Variants in DENND4B observed in about 807,000 individuals in gnomAD.
The protein encoded by DENND4B is DENN domain containing 4B.
Under a neutral mutation model 161.0 loss-of-function variants are expected in DENND4B, and 67 were observed. The ratio of observed to expected loss-of-function variants is 0.42; its 90% CI spans 0.34 to 0.51. The LOEUF is 0.51. Among genes scored for constraint, DENND4B ranks in the 20% least tolerant of loss-of-function variants. The probability of loss-of-function intolerance (pLI) is 0.08; values close to 1 mark genes in which losing one functional copy is unlikely to be tolerated. For missense variants in DENND4B, 1,481 were observed against 1,968.0 expected (o/e 0.75, Z 4.68); for synonymous variants, 753 against 813.8 (o/e 0.93, Z 1.27).
chr1:153,935,113 G>C, intron 17 of DENND4B, 149 bp from the exon 18 acceptor site: 1 of 1,429,734 alleles, frequency 7.0e-7, no homozygotes, highest in Non-Finnish European at 9.2e-7. Flanking sequence ...CCAGGAACAA[G>C]AGCCCAGAAG....
Position 153,940,746 on chromosome 1 carries a change from A to T in DENND4B, c.1327-140T>A. 6.9e-7 allele frequency: 1 copy of T among 1,439,246 alleles called. No homozygotes were observed. The highest frequency in any genetic ancestry group is 9.3e-7 in the Non-Finnish European group (1 of 1,074,764). The allele number at this position is 1,439,246 out of a possible 1,614,324, so 89.2% of individuals were successfully genotyped here. A position where few individuals can be genotyped will look rare whatever the true frequency, so the allele number is the denominator to read the frequency against. ...CTGTTGGAAGTAGGCTCTAGAGAAGAGCTCCTGATGGAAGCTATGTGTTCC... is the reference window on the plus strand; with the variant it reads ...CTGTTGGAAGTAGGCTCTAGAGAAGTGCTCCTGATGGAAGCTATGTGTTCC... On this transcript the variant is annotated intron_variant, in intron 9 of 27. Coordinates refer to ENST00000361217, the MANE Select transcript of DENND4B (RefSeq NM_014856.3). The surrounding 1 kb of genome is among the most constrained non-coding windows in gnomAD (Gnocchi z 5.6).
chr1:153,937,823 A>G lies in DENND4B; in HGVS notation c.2006T>C (p.Val669Ala). 1.9e-6 allele frequency: 3 copies of G among 1,613,936 alleles called. No individual in the cohort carries two copies. The highest frequency in any genetic ancestry group is 2.5e-6 in the Non-Finnish European group (3 of 1,179,838). ...ACTTCCTGACAGCTCCTCTAGCTCCACTAAGGGTGTCGGCTCAGGCTTCTC... is the reference window on the plus strand; with the variant it reads ...ACTTCCTGACAGCTCCTCTAGCTCCGCTAAGGGTGTCGGCTCAGGCTTCTC... ...EQEKPEPTPLVELEELSGSEL... is the reference protein window; with the variant it reads ...EQEKPEPTPLAELEELSGSEL... The change falls in exon 14 of 28, where the codon GTG (valine) becomes GCG (alanine). Residue 669 changes from valine to alanine, a missense_variant. By Grantham distance (64) the Val-to-Ala change is moderately conservative. Coordinates refer to ENST00000361217, the MANE Select transcript of DENND4B (RefSeq NM_014856.3). This position sits in a 1 kb window ranked among gnomAD's most constrained non-coding sequence, Gnocchi z 4.7.
In DENND4B at chr1:153,942,751, G is replaced by A; in HGVS notation, c.571-126C>T. The A allele has an allele frequency of 6.8e-7, 1 of 1,477,808 alleles. No homozygotes were observed. The highest frequency in any genetic ancestry group is 9.0e-7 in the Non-Finnish European group (1 of 1,111,324). 91.5% of individuals were successfully genotyped at this position (1,477,808 alleles called of 1,614,324 possible). A position where few individuals can be genotyped will look rare whatever the true frequency, so the allele number is the denominator to read the frequency against. On this transcript the variant is annotated intron_variant, in intron 3 of 27. Coordinates refer to ENST00000361217, the MANE Select transcript of DENND4B (RefSeq NM_014856.3). The surrounding 1 kb of genome is among the most constrained non-coding windows in gnomAD (Gnocchi z 6.9). ...GCTCCCATTAATCCCAGTGCCCCAA[G>A]ACCAGAGTTACCCCTCTGGACTCAC... is the stretch of plus-strand genomic sequence containing the variant.
intron 1 of DENND4B, chr1:153,945,267 G>C: frequency 1.1e-6 from 1 of 897,660 alleles, no homozygotes; most frequent in Non-Finnish European, 1.5e-6. Context: ...GCTTCAGAGG[G>C]GAAGGGAGGT....
Position 153,930,320 on chromosome 1 carries a change from A to G in DENND4B, c.4468T>C (p.Phe1490Leu). 1 of 1,613,922 alleles carries G rather than the reference A, an allele frequency of 6.2e-7. No individual in the cohort carries two copies. Among genetic ancestry groups the G allele is most frequent in the African/African-American group, 1.3e-5 (1 of 75,050 alleles). Residue 1490 changes from phenylalanine (F) to leucine (L), a missense_variant, in exon 28 of 28, where the codon TTT becomes CTT. By Grantham distance (22) the Phe-to-Leu change is conservative. Coordinates refer to ENST00000361217, the MANE Select transcript of DENND4B (RefSeq NM_014856.3). This position sits in a 1 kb window ranked among gnomAD's most constrained non-coding sequence, Gnocchi z 4.7. ...TPKAIDCRKC[F>L]GAPPEC ...CTCTAGCATTCTGGAGGTGCTCCAA[A>G]ACATTTTCGGCAGTCAATGGCCTTG...
At position 153,936,025 on chromosome 1, in the gene DENND4B, AG is replaced by A; in HGVS notation, c.2568+34del. The A allele has an allele frequency of 6.2e-7, 1 of 1,610,556 alleles. No homozygotes were observed. Among genetic ancestry groups the A allele is most frequent in the Middle Eastern group, 1.7e-4 (1 of 6,054 alleles). On this transcript the variant is annotated intron_variant, in intron 17 of 27. Coordinates refer to ENST00000361217, the MANE Select transcript of DENND4B (RefSeq NM_014856.3). This position sits in a 1 kb window ranked among gnomAD's most constrained non-coding sequence, Gnocchi z 4.1. Reference sequence around the variant, plus strand: ...AGCCTCCCCTCACACACCCTGGCACAGCTGCCATCCCACCCCTCACCCCAAA... The same window carrying A: ...AGCCTCCCCTCACACACCCTGGCACACTGCCATCCCACCCCTCACCCCAAA...
Position 153,944,506 on chromosome 1 carries a change from A to G in DENND4B, c.-23-109T>C. ...CTTCCTAGTCCTTCCAAAGAAAGGCAGGATAAGGGGTCGGCCAATCCTGAA... is the reference window on the plus strand; with the variant it reads ...CTTCCTAGTCCTTCCAAAGAAAGGCGGGATAAGGGGTCGGCCAATCCTGAA... On this transcript the variant is annotated intron_variant, in intron 1 of 27. Coordinates refer to ENST00000361217, the MANE Select transcript of DENND4B (RefSeq NM_014856.3). This position sits in a 1 kb window ranked among gnomAD's most constrained non-coding sequence, Gnocchi z 4.8. 1 of 1,193,750 alleles carries G rather than the reference A, an allele frequency of 8.4e-7. No individual in the cohort carries two copies. The highest frequency in any genetic ancestry group is 1.1e-6 in the Non-Finnish European group (1 of 881,488). The allele number at this position is 1,193,750 out of a possible 1,614,324, so 73.9% of individuals were successfully genotyped here. A position where few individuals can be genotyped will look rare whatever the true frequency, so the allele number is the denominator to read the frequency against.
At position 153,942,803 on chromosome 1, in the gene DENND4B, G is replaced by A. The variant is rs1679750494; in HGVS notation, c.570+75C>T. On this transcript the variant is annotated intron_variant, in intron 3 of 27. Coordinates refer to ENST00000361217, the MANE Select transcript of DENND4B (RefSeq NM_014856.3). This position sits in a 1 kb window ranked among gnomAD's most constrained non-coding sequence, Gnocchi z 6.9. Reference sequence around the variant, plus strand: ...CCTGTGGTCAGAGCCTTGGTCCTGGGATGCCCTTTGTTCCCAGTGTCCACA... The same window carrying A: ...CCTGTGGTCAGAGCCTTGGTCCTGGAATGCCCTTTGTTCCCAGTGTCCACA... 1 of 1,523,694 alleles carries A rather than the reference G, an allele frequency of 6.6e-7. No homozygotes were observed. The highest frequency in any genetic ancestry group is 1.4e-5 in the African/African-American group (1 of 72,870). 94.4% of individuals were successfully genotyped at this position (1,523,694 alleles called of 1,614,324 possible). A position where few individuals can be genotyped will look rare whatever the true frequency, so the allele number is the denominator to read the frequency against.
At position 153,940,630 on chromosome 1, in the gene DENND4B, C is replaced by A. The variant is rs777528835; in HGVS notation, c.1327-24G>T. 2 of 1,606,046 alleles carry A rather than the reference C, an allele frequency of 1.2e-6. No homozygotes were observed. The highest frequency in any genetic ancestry group is 1.3e-5 in the African/African-American group (1 of 74,788). On this transcript the variant is annotated intron_variant, in intron 9 of 27. Transcript: ENST00000361217. This position sits in a 1 kb window ranked among gnomAD's most constrained non-coding sequence, Gnocchi z 5.6. Reference sequence around the variant, plus strand: ...ATCTGAAGCACCAGGCAGTGAGAACCAGTGAACAGGGGGTTGAGGCAGCAG... The same window carrying A: ...ATCTGAAGCACCAGGCAGTGAGAACAAGTGAACAGGGGGTTGAGGCAGCAG...
chr1:153,934,986 AGGAT>A lies in DENND4B; in HGVS notation c.2569-26_2569-23del. On this transcript the variant is annotated intron_variant, in intron 17 of 27. Coordinates refer to ENST00000361217, the MANE Select transcript of DENND4B (RefSeq NM_014856.3). The surrounding 1 kb of genome is among the most constrained non-coding windows in gnomAD (Gnocchi z 5.3). ...CAGCCTACCAAGCACAGTGCCCATC[AGGAT>A]GGCCTACCTCGACACCCTAACCCTG... is the stretch of plus-strand genomic sequence containing the variant. 4.4e-6 allele frequency: 7 copies of A among 1,606,496 alleles called. No individual in the cohort carries two copies. The highest frequency in any genetic ancestry group is 5.9e-6 in the Non-Finnish European group (7 of 1,179,140).
In DENND4B at chr1:153,937,514, T is replaced by C; in HGVS notation, c.2206A>G (p.Ser736Gly). The change falls in exon 15 of 28, where the codon AGT (serine) becomes GGT (glycine). Residue 736 changes from serine to glycine, a missense_variant. Physicochemically the swap from Ser to Gly is moderately conservative, Grantham distance 56 (BLOSUM62 0). Around this residue, in one of 3 missense-constraint regions of DENND4B, gnomAD observed 806 missense variants for 1,134.4 expected, o/e 0.71. Coordinates refer to ENST00000361217, the MANE Select transcript of DENND4B (RefSeq NM_014856.3). The surrounding 1 kb of genome is among the most constrained non-coding windows in gnomAD (Gnocchi z 4.7). ...TGTTTGGTACGGCGAGGAGCAGGAC[T>C]GCTGGGGGCGCTACGGGAAGGGCCT... ...VPGPSRSAPS[S>G]PAPRRTKQEM... 6.3e-7 allele frequency: 1 copy of C among 1,585,100 alleles called. No homozygotes were observed. Among genetic ancestry groups the C allele is most frequent in the Non-Finnish European group, 8.6e-7 (1 of 1,165,656 alleles).
At position 153,944,251 on chromosome 1, in the gene DENND4B, G is replaced by A. The variant is rs775691758; in HGVS notation, c.124C>T (p.Arg42Trp). 6.6e-5 allele frequency: 105 copies of A among 1,600,364 alleles called. No homozygotes were observed. The highest frequency in any genetic ancestry group is 7.8e-5 in the Non-Finnish European group (92 of 1,172,830). ...PEPSGPLRPP[R>W]PAEPITDVAV... ...ACATCTGTGATGGGCTCAGCTGGCC[G>A]GGGAGGGCGCAGGGGCCCACTGGGT... The change falls in exon 2 of 28, where the codon CGG becomes TGG. Residue 42 changes from arginine (R) to tryptophan (W), a missense_variant. Physicochemically the swap from Arg to Trp is moderately radical, Grantham distance 101. This residue lies in a region of DENND4B where 806 missense variants were observed against 1,134.4 expected (regional missense o/e 0.71). Transcript: ENST00000361217. The surrounding 1 kb of genome is among the most constrained non-coding windows in gnomAD (Gnocchi z 4.8).
In DENND4B at chr1:153,946,633, C is replaced by T; in HGVS notation, c.-356G>A. ...CTCCGCGCGCCCCGCTTTCTCTACT[C>T]CCCCAACCCCCGCTCCGGGCCGCGG... On this transcript the variant is annotated 5_prime_UTR_variant, in exon 1 of 28. Transcript: ENST00000361217. The surrounding 1 kb of genome is among the most constrained non-coding windows in gnomAD (Gnocchi z 6.3). 2 of 384,940 alleles carry T rather than the reference C, an allele frequency of 5.2e-6. No homozygotes were observed. Among genetic ancestry groups the T allele is most frequent in the Non-Finnish European group, 9.2e-6 (2 of 217,306 alleles). 23.8% of individuals were successfully genotyped at this position (384,940 alleles called of 1,614,324 possible). A position where few individuals can be genotyped will look rare whatever the true frequency, so the allele number is the denominator to read the frequency against.
chr1:153,930,985 T>C lies in DENND4B; in HGVS notation c.4076A>G (p.Asn1359Ser), dbSNP rs375631387. The C allele has an allele frequency of 5.6e-6, 9 of 1,612,200 alleles. No homozygotes were observed. Among genetic ancestry groups the C allele is most frequent in the East Asian group, 2.2e-5 (1 of 44,800 alleles). ...GAGCACATAGAGAGGTGGGCAGCTA[T>C]TGGGGTCAGGGGTCAGTACATCCCA... The part of the protein sequence containing the change: ...LLWDVLTPDP[N>S]SCPPLYVLWR... The change falls in exon 25 of 28, where the codon AAT becomes AGT. Residue 1359 changes from asparagine (N) to serine (S), a missense_variant. Physicochemically the swap from Asn to Ser is conservative, Grantham distance 46 (BLOSUM62 1). This residue lies in a region of DENND4B where 336 missense variants were observed against 503.3 expected (regional missense o/e 0.67). Transcript: ENST00000361217. This position sits in a 1 kb window ranked among gnomAD's most constrained non-coding sequence, Gnocchi z 4.7.
Position 153,934,588 on chromosome 1 carries a change from C to T in DENND4B, c.2773+172G>A, listed in dbSNP as rs557339893. ...TCCCAAGTAGCTGGGACTACAGGTG[C>T]GCGCCACCACGCCCAGCTAATTTTT... On this transcript the variant is annotated intron_variant, in intron 18 of 27. Coordinates refer to ENST00000361217, the MANE Select transcript of DENND4B (RefSeq NM_014856.3). The surrounding 1 kb of genome is among the most constrained non-coding windows in gnomAD (Gnocchi z 5.3). The T allele has an allele frequency of 3.9e-5, 47 of 1,203,496 alleles. No individual in the cohort carries two copies. The highest frequency in any genetic ancestry group is 2.8e-4 in the South Asian group (18 of 64,492). 74.6% of individuals were successfully genotyped at this position (1,203,496 alleles called of 1,614,324 possible).
chr1:153,934,921 C>T lies in DENND4B; in HGVS notation c.2612G>A (p.Arg871His), dbSNP rs374111010. 62 of 1,613,318 alleles carry T rather than the reference C, an allele frequency of 3.8e-5. No individual in the cohort carries two copies. Among genetic ancestry groups the T allele is most frequent in the African/African-American group, 1.3e-4 (10 of 75,052 alleles). The change falls in exon 18 of 28, where the codon CGT becomes CAT. Residue 871 changes from arginine (R) to histidine (H), a missense_variant. Arg to His is a conservative substitution (Grantham distance 29). Transcript: ENST00000361217. This position sits in a 1 kb window ranked among gnomAD's most constrained non-coding sequence, Gnocchi z 5.3. ...SKWPSGTPGGRLRWAKLRNVV... is the reference protein window; with the variant it reads ...SKWPSGTPGGHLRWAKLRNVV... The stretch of plus-strand genomic sequence containing the variant: ...ATTCCGGAGCTTGGCCCAGCGCAGA[C>T]GCCCACCTGGTGTGCCAGACGGCCA...
rs1396491712 is a variant in DENND4B, at chr1:153,938,894, T to C, written c.1965+6A>G. 1 of 1,577,636 alleles carries C rather than the reference T, an allele frequency of 6.3e-7. No individual in the cohort carries two copies. The highest frequency in any genetic ancestry group is 1.4e-5 in the African/African-American group (1 of 74,040). ...GGCCAATGAGCACATAGAGAAGGGA[T>C]GATACCTTTTCAACACAAGAGTCAA... On this transcript the variant is annotated splice_donor_region_variant and intron_variant, in intron 13 of 27. Coordinates refer to ENST00000361217, the MANE Select transcript of DENND4B (RefSeq NM_014856.3).
At position 153,940,291 on chromosome 1, in the gene DENND4B, G is replaced by C. The variant is rs539112209; in HGVS notation, c.1503-35C>G. 11 of 1,572,960 alleles carry C rather than the reference G, an allele frequency of 7.0e-6. No homozygotes were observed. In the East Asian group the frequency reaches 2.2e-4, roughly 32 times the overall value. On this transcript the variant is annotated intron_variant, in intron 10 of 27. Transcript: ENST00000361217. This position sits in a 1 kb window ranked among gnomAD's most constrained non-coding sequence, Gnocchi z 5.6. ...AAGCATAAGGGGAAAGAGTGGCGAG[G>C]CTCTGGGATAGGGTGACGGGGTTCC... is the stretch of plus-strand genomic sequence containing the variant.
intron 13 of DENND4B, among the ~76,000 whole-genome samples, chr1:153,938,575 G>A (rs1253197946): frequency 2.0e-5 from 3 of 150,674 alleles, no homozygotes; most frequent in African/African-American, 7.3e-5. Context: ...GGTGGCGGGC[G>A]CCTGTAGTCT....
Sources: allele counts gnomAD v4.1 joint callset (sites outside exome capture counted in the v4.1 genomes callset), GRCh38; gene constraint gnomAD v4.1.1; regional missense constraint gnomAD v4.1.1; non-coding constraint Gnocchi (gnomAD v3.1); transcripts MANE v1.5; gene names NCBI Gene and HGNC (gene_info 2026-07-23, HGNC 2026-07-21).